Variants in WDR87 observed in about 807,000 individuals in gnomAD.
WDR87 encodes WD repeat domain 87.
WDR87 carries 56 observed loss-of-function variants against 83.3 expected under a neutral mutation model. That is an observed-to-expected ratio of 0.67 (90% CI 0.54 to 0.84). WDR87 has a LOEUF of 0.84. Ranked by LOEUF, WDR87 falls within the 40% of genes least tolerant of loss-of-function variation. WDR87 has a pLI of 0.00. For missense variants in WDR87, 2,939 were observed against 3,431.9 expected (o/e 0.86, Z 3.59); for synonymous variants, 1,173 against 1,250.6 (o/e 0.94, Z 1.31).
chr19:37,885,402 T>A lies in WDR87; in HGVS notation c.8269A>T (p.Lys2757Ter). ...CACAAAGGCAACTCTTCCTTTTTTT[T>A]AGAAATGGGCTGTGTCTTCTTCTCT... ...KLEKKTQPISKKKEELPLWET... is the reference protein window; with the variant it reads ...KLEKKTQPIS Residue 2757 changes from lysine (K) to a stop codon, truncating the protein, a stop_gained, in exon 6 of 6, where the codon AAA becomes TAA. Transcript: ENST00000447313. LOFTEE classifies it low-confidence loss of function (END_TRUNC). 2 of 1,551,866 alleles carry A rather than the reference T, an allele frequency of 1.3e-6. No individual in the cohort carries two copies. The highest frequency in any genetic ancestry group is 8.7e-7 in the Non-Finnish European group (1 of 1,147,038).
chr19:37,898,219 A>T lies in WDR87; in HGVS notation c.21T>A (p.Ile7=), dbSNP rs2046271136. 1 of 1,551,482 alleles carries T rather than the reference A, an allele frequency of 6.4e-7. No individual in the cohort carries two copies. The highest frequency in any genetic ancestry group is 8.7e-7 in the Non-Finnish European group (1 of 1,146,950). The stretch of plus-strand genomic sequence containing the variant: ...GGAGTTTTAAATCTTTCCACAGGGG[A>T]ATGAGCCTGGGGGAAGACATCACCG... MSSPRL[I]PLWKDLKLLL... The change falls in exon 2 of 6, where the codon ATT becomes ATA. Residue 7 remains isoleucine, a synonymous_variant. Transcript: ENST00000447313.
intron 2 of WDR87, among the ~76,000 whole-genome samples, chr19:37,897,827 G>A (rs1265045362): frequency 5.9e-5 from 9 of 152,278 alleles, no homozygotes; most frequent in African/African-American, 2.2e-4. Flanking sequence ...GGCTGAGGTT[G>A]CAGTGGGCCG....
At position 37,885,005 on chromosome 19, in the gene WDR87, G is replaced by T; in HGVS notation, c.8666C>A (p.Ala2889Asp). The T allele has an allele frequency of 7.1e-7, 1 of 1,406,554 alleles. No individual in the cohort carries two copies. Among genetic ancestry groups the T allele is most frequent in the Non-Finnish European group, 9.3e-7 (1 of 1,076,746 alleles). The allele number at this position is 1,406,554 out of a possible 1,614,324, so 87.1% of individuals were successfully genotyped here. ...ATCAGCTTCAGGCAGGCTCTTCCAG[G>T]CAAGTTCTAAGATCCCATACCGGGC... ...GIARYGILEL[A>D]WKSLPEADLH... The change falls in exon 6 of 6, where the codon GCC becomes GAC. Residue 2889 changes from alanine (A) to aspartate (D), a missense_variant. Physicochemically the swap from Ala to Asp is moderately radical, Grantham distance 126. Coordinates refer to ENST00000447313, the MANE Select transcript of WDR87 (RefSeq NM_001291088.2).
chr19:37,892,432 T>C, intron 4 of WDR87, 146 bp downstream of exon 4: 1 of 738,532 alleles, frequency 1.4e-6, no homozygotes, highest in Non-Finnish European at 2.2e-6. Context: ...GTCGGGATTG[T>C]CAAGGATAGT....
rs1022460854 is a variant in WDR87, at chr19:37,892,700, T to A, written c.3003A>T (p.Gly1001=). ...TCACTCTTTCATCCTTGTCCATTAA[T>A]CCTTGAGCCAGAGGCATGGCAAAAA... is the stretch of plus-strand genomic sequence containing the variant. The part of the protein sequence containing the change: ...THLFAMPLAQ[G]LMDKDERVRI... The change falls in exon 4 of 6, where the codon GGA becomes GGT. Residue 1001 remains glycine, a synonymous_variant. Coordinates refer to ENST00000447313, the MANE Select transcript of WDR87 (RefSeq NM_001291088.2). 3 of 1,551,704 alleles carry A rather than the reference T, an allele frequency of 1.9e-6. No individual in the cohort carries two copies. The highest frequency in any genetic ancestry group is 2.6e-6 in the Non-Finnish European group (3 of 1,147,032).
Position 37,893,787 on chromosome 19 carries a change from A to G in WDR87, c.1916T>C (p.Leu639Pro). The stretch of plus-strand genomic sequence containing the variant: ...CAGTGATGAGTCCAGAATGCCTATG[A>G]GTCTGCCATGGAAGTCCCAGATCCG... ...SVRIWDFHGR[L>P]IGILDSSLHF... is the part of the protein sequence containing the mutation. Residue 639 changes from leucine (L) to proline (P), a missense_variant, in exon 4 of 6, where the codon CTC becomes CCC. Coordinates refer to ENST00000447313, the MANE Select transcript of WDR87 (RefSeq NM_001291088.2). 1 of 1,551,682 alleles carries G rather than the reference A, an allele frequency of 6.4e-7. No individual in the cohort carries two copies. Among genetic ancestry groups the G allele is most frequent in the East Asian group, 2.4e-5 (1 of 40,920 alleles).
intron 1 of WDR87, among the ~76,000 whole-genome samples, chr19:37,899,157 G>A (rs1181678765): frequency 6.6e-6 from 1 of 152,058 alleles, no homozygotes; most frequent in Admixed American, 6.5e-5. Context: ...CGTGGCTCAC[G>A]CCTGCAATCC....
At position 37,894,295 on chromosome 19, in the gene WDR87, C is replaced by T; in HGVS notation, c.1408G>A (p.Gly470Arg). The T allele has an allele frequency of 6.4e-7, 1 of 1,551,746 alleles. No homozygotes were observed. The highest frequency in any genetic ancestry group is 8.7e-7 in the Non-Finnish European group (1 of 1,147,018). ...QCLAYGHFNLGRGLEGLIFSG... is the reference protein window; with the variant it reads ...QCLAYGHFNLRRGLEGLIFSG... ...AATATCAGTCCCTCTAGACCCCGCCCCAAGTTGAAATGCCCATAAGCCAGG... is the reference window on the plus strand; with the variant it reads ...AATATCAGTCCCTCTAGACCCCGCCTCAAGTTGAAATGCCCATAAGCCAGG... Residue 470 changes from glycine (G) to arginine (R), a missense_variant, in exon 4 of 6, where the codon GGG (glycine) becomes AGG (arginine). Transcript: ENST00000447313.
chr19:37,904,013 G>A (rs928773424), intron 1 of WDR87, among the ~76,000 whole-genome samples: 1 of 150,922 alleles, frequency 6.6e-6, no homozygotes. Context: ...GGTTCACGCC[G>A]TTTTCCTGCC....
At chr19:37,898,330 G>T in intron 1 of WDR87, 45 bp from the exon 2 acceptor site, 1 of 1,498,704 alleles carries the variant, frequency 6.7e-7, no homozygotes, top group South Asian at 1.3e-5. Flanking sequence ...GCCATTTTCC[G>T]AGAAGCTAGG....
rs1190940701 is a variant in WDR87, at chr19:37,887,028, G to A, written c.6643C>T (p.Leu2215=). 1 of 1,551,800 alleles carries A rather than the reference G, an allele frequency of 6.4e-7. No homozygotes were observed. The highest frequency in any genetic ancestry group is 8.7e-7 in the Non-Finnish European group (1 of 1,147,080). ...ATTCCTCCTTCCTCTTCATCATCCA[G>A]TATGACTTCTGAATGCTTTCTGGCC... ...KLARKHSEVI[L]DDEEEGGIEE... is the part of the protein sequence containing the mutation. Residue 2215 remains leucine (L), a synonymous_variant, in exon 6 of 6, where the codon CTG becomes TTG. Transcript: ENST00000447313.
chr19:37,895,275 A>G lies in WDR87; in HGVS notation c.428T>C (p.Leu143Pro), dbSNP rs1345780701. 3 of 1,551,724 alleles carry G rather than the reference A, an allele frequency of 1.9e-6. No homozygotes were observed. The highest frequency in any genetic ancestry group is 1.2e-5 in the South Asian group (1 of 84,066). The change falls in exon 4 of 6, where the codon CTG becomes CCG. Residue 143 changes from leucine (L) to proline (P), a missense_variant. By Grantham distance (98) the Leu-to-Pro change is moderately conservative (BLOSUM62 -3). Transcript: ENST00000447313. ...FGDHFRAFKP[L>P]GKVPCRFNIS... The stretch of plus-strand genomic sequence containing the variant: ...GTTGAAGCGGCAGGGCACTTTACCC[A>G]GGGGTTTGAATGCCCGAAAGTGGTC...
Position 37,887,928 on chromosome 19 carries a change from G to T in WDR87, c.5743C>A (p.Gln1915Lys), listed in dbSNP as rs1428482030. The T allele has an allele frequency of 6.4e-7, 1 of 1,551,378 alleles. No homozygotes were observed. The highest frequency in any genetic ancestry group is 2.0e-5 in the Admixed American group (1 of 50,942). Residue 1915 changes from glutamine (Q) to lysine (K), a missense_variant, in exon 6 of 6, where the codon CAA (glutamine) becomes AAA (lysine). By Grantham distance (53) the Gln-to-Lys change is moderately conservative. This residue lies in a region of WDR87 where 2,160 missense variants were observed against 2,533.1 expected (regional missense o/e 0.85). Coordinates refer to ENST00000447313, the MANE Select transcript of WDR87 (RefSeq NM_001291088.2). ...RLTHSKKQLVQVKNKLGMFNK... is the reference protein window; with the variant it reads ...RLTHSKKQLVKVKNKLGMFNK... ...AACATTCCCAATTTGTTCTTTACTT[G>T]CACTAATTGCTTTTTGCTGTGGGTG...
Position 37,894,631 on chromosome 19 carries a change from A to G in WDR87, c.1072T>C (p.Phe358Leu), listed in dbSNP as rs954839421. The change falls in exon 4 of 6, where the codon TTC (phenylalanine) becomes CTC (leucine). Residue 358 changes from phenylalanine to leucine, a missense_variant. Transcript: ENST00000447313. The stretch of plus-strand genomic sequence containing the variant: ...TGGGGAGCAGAGCCACAGACATTGA[A>G]GAGGCTGTAGAAGCAGGGCAGGCGG... ...LHRLPCFYSLFNVCGSAPQQL... is the reference protein window; with the variant it reads ...LHRLPCFYSLLNVCGSAPQQL... The G allele has an allele frequency of 2.6e-6, 4 of 1,551,642 alleles. No homozygotes were observed. In the African/African-American group the frequency reaches 4.1e-5, roughly 16 times the overall value.
chr19:37,903,247 G>T (rs2046303503), intron 1 of WDR87, among the ~76,000 whole-genome samples: 1 of 152,184 alleles, frequency 6.6e-6, no homozygotes, highest in Non-Finnish European at 1.5e-5. Flanking sequence ...GGCAACCTAG[G>T]CTTACTTGGT....
chr19:37,901,236 G>T (rs1007704081), intron 1 of WDR87, among the ~76,000 whole-genome samples: 1 of 151,642 alleles, frequency 6.6e-6, no homozygotes, highest in Admixed American at 6.6e-5. Flanking sequence ...TTCAAAACCA[G>T]CTTGGCCAAC....
Position 37,889,577 on chromosome 19 carries a change from T to A in WDR87, c.4094A>T (p.Glu1365Val). ...PIFIQEGAIR[E>V]DMIQGVTQEV... is the part of the protein sequence containing the mutation. ...TTGGGTCACACCTTGTATCATGTCC[T>A]CTCTAATTGCTCCTTCCTGGATAAA... The change falls in exon 6 of 6, where the codon GAG becomes GTG. Residue 1365 changes from glutamate to valine, a missense_variant. By Grantham distance (121) the Glu-to-Val change is moderately radical (BLOSUM62 -2). Transcript: ENST00000447313. 2 of 1,551,780 alleles carry A rather than the reference T, an allele frequency of 1.3e-6. No individual in the cohort carries two copies. Among genetic ancestry groups the A allele is most frequent in the Non-Finnish European group, 1.7e-6 (2 of 1,146,978 alleles).
At chr19:37,906,360 C>T (rs866593079) in intron 1 of WDR87, 139 bp downstream of exon 1, 1 of 152,216 alleles carries the variant, frequency 6.6e-6, no homozygotes. Flanking sequence ...GGTCTTGTGG[C>T]TCCCGTCGAA....
In WDR87 at chr19:37,888,817, C is replaced by T. The variant is rs1230808578; in HGVS notation, c.4854G>A (p.Arg1618=). The T allele has an allele frequency of 1.3e-6, 2 of 1,551,500 alleles. No individual in the cohort carries two copies. Among genetic ancestry groups the T allele is most frequent in the Non-Finnish European group, 1.7e-6 (2 of 1,146,964 alleles). The change falls in exon 6 of 6, where the codon AGG becomes AGA. Residue 1618 remains arginine (R), a synonymous_variant. Coordinates refer to ENST00000447313, the MANE Select transcript of WDR87 (RefSeq NM_001291088.2). ...GTTTTTTTTCAGCTCGGGCTCGTTTCCTGTGTATTCTGGCCCATTTGTGTT... is the reference window on the plus strand; with the variant it reads ...GTTTTTTTTCAGCTCGGGCTCGTTTTCTGTGTATTCTGGCCCATTTGTGTT... ...QEEHKWARIH[R]KRARAEKKRA... is the part of the protein sequence containing the mutation.
Sources: gnomAD v4.1 joint callset for allele counts (sites outside exome capture counted in the v4.1 genomes callset) on GRCh38, gnomAD v4.1.1 for gene constraint, gnomAD v4.1.1 regional missense constraint, MANE v1.5 for transcripts, NCBI Gene and HGNC (gene_info 2026-07-23, HGNC 2026-07-21) for gene names.